ANKRD36C: variants seen among roughly 807,000 people sequenced by gnomAD.
The protein encoded by ANKRD36C is ankyrin repeat domain 36C.
A neutral mutation model predicts 276.4 loss-of-function variants in ANKRD36C; 61 were observed. The ratio of observed to expected loss-of-function variants is 0.22; its 90% CI spans 0.18 to 0.27. The LOEUF (loss-of-function observed/expected upper bound fraction) is 0.27. Among genes scored for constraint, ANKRD36C ranks in the 10% least tolerant of loss-of-function variants. The probability of loss-of-function intolerance (pLI) is 1.00; values close to 1 mark genes in which losing one functional copy is unlikely to be tolerated. For synonymous variants in ANKRD36C, 483 were observed against 680.1 expected, an observed-to-expected ratio of 0.71 and a Z score of 4.51; for missense variants, 1,447 against 2,032.3, an observed-to-expected ratio of 0.71 and a Z score of 5.54.
In ANKRD36C at chr2:95,880,312, T is replaced by G. The variant is rs2104320954; in HGVS notation, c.3469+115A>C. The G allele has an allele frequency of 5.3e-6, 6 of 1,133,378 alleles. No individual in the cohort carries two copies. In the East Asian group the frequency reaches 1.6e-4, roughly 29 times the overall value. 70.2% of individuals were successfully genotyped at this position (1,133,378 alleles called of 1,614,324 possible). A position where few individuals can be genotyped will look rare whatever the true frequency, so the allele number is the denominator to read the frequency against. On this transcript the variant is annotated intron_variant, in intron 58 of 66. Transcript: ENST00000456556. Reference sequence around the variant, plus strand: ...AATGATAACAGCTGCATTATTTAGATGAAATCCTGAAATAAAATATAAAAA... The same window carrying G: ...AATGATAACAGCTGCATTATTTAGAGGAAATCCTGAAATAAAATATAAAAA...
chr2:95,918,019 A>G, exon 35 of ANKRD36C: 1 of 1,600,886 alleles, frequency 6.2e-7, no homozygotes, highest in Non-Finnish European at 8.5e-7. Context: ...ATTACCTTCA[A>G]GGCTGGTTGT....
rs959257480 is a variant in ANKRD36C at position 95,959,788 on chromosome 2, T to C, written c.1003+685A>G. Among the ~76,000 whole-genome samples the C allele has an allele frequency of 5.3e-5, 8 of 152,190 alleles. No homozygotes were observed. In the East Asian group the frequency reaches 1.2e-3, roughly 22 times the overall value. On this transcript the variant is annotated intron_variant, in intron 10 of 66. Coordinates refer to ENST00000456556, the Ensembl canonical transcript of ANKRD36C. Reference sequence around the variant, plus strand: ...CTAACTGATAACAACAAAACATATATCTCTGATGCCCAATAATAACAAAGA... The same window carrying C: ...CTAACTGATAACAACAAAACATATACCTCTGATGCCCAATAATAACAAAGA...
chr2:95,857,369 A>C (rs1573719412), exon 62 of ANKRD36C: 2 of 1,609,144 alleles, frequency 1.2e-6, no homozygotes, highest in Non-Finnish European at 8.5e-7. Context: ...GAGCCGGTTT[A>C]ATTGGTTTTG....
At chr2:95,953,001 C>G (rs376385897) in intron 14 of ANKRD36C, among the ~76,000 whole-genome samples, 5 of 146,882 alleles carry the variant, frequency 3.4e-5, no homozygotes, top group Non-Finnish European at 7.6e-5. Context: ...GAATGCGATA[C>G]AAAGACCCTG....
At chr2:95,927,256 T>G in exon 28 of ANKRD36C, 2 of 1,610,276 alleles carry the variant, frequency 1.2e-6, no homozygotes, top group Non-Finnish European at 8.5e-7. Context: ...GTGGCTATAT[T>G]TGAAACAGAA....
chr2:95,893,279 C>A (rs1053745702), intron 44 of ANKRD36C, among the ~76,000 whole-genome samples: 3 of 151,132 alleles, frequency 2.0e-5, no homozygotes, highest in African/African-American at 4.9e-5. Context: ...TTCCCCAGAG[C>A]CCCTTATGTC....
At chr2:95,965,229 A>C (rs1225314961) in intron 6 of ANKRD36C, among the ~76,000 whole-genome samples, 1 of 151,444 alleles carries the variant, frequency 6.6e-6, no homozygotes, top group African/African-American at 2.4e-5. Flanking sequence ...CACACACACA[A>C]ACACACACAC....
intron 34 of ANKRD36C, among the ~76,000 whole-genome samples, 185 bp from the exon 35 acceptor site, chr2:95,920,105 C>T (rs1429209064): frequency 7.6e-6 from 1 of 131,638 alleles, no homozygotes; most frequent in Non-Finnish European, 1.7e-5. Context: ...AATACAGGCT[C>T]CATCAAATAT....
intron 46 of ANKRD36C, among the ~76,000 whole-genome samples, 154 bp downstream of exon 66, chr2:95,891,511 T>G (rs982413662): frequency 1.9e-4 from 29 of 150,978 alleles, no homozygotes; most frequent in Non-Finnish European, 3.3e-4. Flanking sequence ...AGCAGCAGCA[T>G]CATCATCACC....
intron 34 of ANKRD36C, among the ~76,000 whole-genome samples, 182 bp from the exon 37 acceptor site, chr2:95,918,224 G>C (rs997478617): frequency 4.6e-5 from 7 of 151,584 alleles, no homozygotes; most frequent in African/African-American, 7.3e-5. Flanking sequence ...GGGAATACAG[G>C]CTCCATCAAA....
chr2:95,896,804 C>A (rs1200423333), intron 44 of ANKRD36C, among the ~76,000 whole-genome samples: 1 of 149,862 alleles, frequency 6.7e-6, no homozygotes, highest in African/African-American at 2.5e-5. Context: ...CACCTTCCTG[C>A]CTCACAATCC....
In ANKRD36C at chr2:95,894,850, A is replaced by G. The variant is rs1021660360; in HGVS notation, c.2756-2990T>C. Among the ~76,000 whole-genome samples the G allele has an allele frequency of 3.3e-5, 5 of 151,176 alleles. 1 individual carries two copies. The highest frequency in any genetic ancestry group is 3.3e-4 in the Admixed American group (5 of 15,158). ...AAATATTGTTTATGGAAATGTTCCA[A>G]ATGATCTGAAGTGAGTTCACTCAGG... On this transcript the variant is annotated intron_variant, in intron 44 of 66. Coordinates refer to ENST00000456556, the Ensembl canonical transcript of ANKRD36C.
At position 95,987,171 on chromosome 2, in the gene ANKRD36C, G is replaced by A. The variant is rs750735877; in HGVS notation, c.233C>T (p.Pro78Leu). The change falls in exon 2 of 67, where the codon CCG becomes CTG. Residue 78 changes from proline to leucine, a missense_variant. By Grantham distance (98) the Pro-to-Leu change is moderately conservative (BLOSUM62 -3). This residue lies in a region of ANKRD36C where 21 missense variants were observed against 76.5 expected (regional missense o/e 0.27). Coordinates refer to ENST00000456556, the Ensembl canonical transcript of ANKRD36C. ...GGACACCAGGAGATGTACCATTTCC[G>A]GTTGGCCAGTGGCACAGGCCAAATG... 2.9e-5 allele frequency: 45 copies of A among 1,548,816 alleles called. No individual in the cohort carries two copies. In the African/African-American group the frequency reaches 5.8e-4, roughly 20 times the overall value.
intron 42 of ANKRD36C, 56 bp downstream of exon 48, chr2:95,908,446 G>A: frequency 7.2e-7 from 1 of 1,380,700 alleles, no homozygotes; most frequent in Non-Finnish European, 9.8e-7. Context: ...ATTCACGGAA[G>A]AGAATTTCTT....
chr2:95,927,632 A>AT (rs1415739998), intron 26 of ANKRD36C, among the ~76,000 whole-genome samples: 2 of 151,626 alleles, frequency 1.3e-5, no homozygotes, highest in African/African-American at 4.8e-5. Context: ...ACATGGTATG[A>AT]TTCGTGATAT....
chr2:95,934,406 T>C (rs1450881677), intron 24 of ANKRD36C, among the ~76,000 whole-genome samples: 2 of 152,100 alleles, frequency 1.3e-5, no homozygotes, highest in Non-Finnish European at 2.9e-5. Context: ...ATACACATCA[T>C]GGAATACTAT....
At chr2:95,952,860 A>G (rs541556227) in intron 14 of ANKRD36C, among the ~76,000 whole-genome samples, 1 of 152,292 alleles carries the variant, frequency 6.6e-6, no homozygotes, top group South Asian at 2.1e-4. Context: ...CTTACATGCA[A>G]GACCTTATTC....
At chr2:95,891,243 G>A (rs1425803444) in intron 46 of ANKRD36C, among the ~76,000 whole-genome samples, 2 of 150,560 alleles carry the variant, frequency 1.3e-5, no homozygotes, top group South Asian at 2.1e-4. Context: ...TACACCAGGG[G>A]TCTCCTTAGT....
intron 3 of ANKRD36C, among the ~76,000 whole-genome samples, chr2:95,986,217 T>A (rs1679023465): frequency 6.6e-6 from 1 of 152,038 alleles, no homozygotes; most frequent in East Asian, 1.9e-4. Flanking sequence ...AATTTCCAAA[T>A]TAGCTTGTGC....
Sources: gnomAD v4.1 joint callset for allele counts (sites outside exome capture counted in the v4.1 genomes callset) on GRCh38, gnomAD v4.1.1 for gene constraint, gnomAD v4.1.1 regional missense constraint, MANE v1.5 for transcripts, NCBI Gene and HGNC (gene_info 2026-07-23, HGNC 2026-07-21) for gene names.